Variants in XPR1 observed in about 807,000 individuals in gnomAD.
XPR1 encodes the protein solute carrier family 53 member 1.
XPR1 carries 28 observed loss-of-function variants against 87.5 expected under a neutral mutation model. The ratio of observed to expected loss-of-function variants is 0.32; its 90% CI spans 0.24 to 0.44. The LOEUF is 0.44. Among genes scored for constraint, XPR1 ranks in the 20% least tolerant of loss-of-function variants. The pLI is 1.00. For missense variants in XPR1, 559 were observed against 862.3 expected (o/e 0.65, Z 4.41); for synonymous variants, 300 against 306.1 (o/e 0.98, Z 0.21).
At chr1:180,730,359 C>T (rs2102009721) in intron 2 of XPR1, among the ~76,000 whole-genome samples, 1 of 152,148 alleles carries the variant, frequency 6.6e-6, no homozygotes, top group South Asian at 2.1e-4. Context: ...TTTCATTTTC[C>T]AAAAGAAGGA....
intron 7 of XPR1, among the ~76,000 whole-genome samples, chr1:180,819,130 T>C (rs1449107743): frequency 1.3e-5 from 2 of 151,930 alleles, no homozygotes; most frequent in Non-Finnish European, 2.9e-5. Context: ...TTTTTTAACT[T>C]TTTTGTAGAG....
At chr1:180,774,609 G>A (rs1463981486) in intron 2 of XPR1, among the ~76,000 whole-genome samples, 3 of 151,632 alleles carry the variant, frequency 2.0e-5, no homozygotes, top group Non-Finnish European at 2.9e-5. Flanking sequence ...GGGTTTCACC[G>A]TGTTAGCCAG....
At chr1:180,703,271 C>T (rs532945674) in intron 2 of XPR1, among the ~76,000 whole-genome samples, 3 of 152,052 alleles carry the variant, frequency 2.0e-5, no homozygotes, top group Non-Finnish European at 2.9e-5. Context: ...ATTCCCAGGT[C>T]ACTAGTTGGC....
At chr1:180,740,573 C>T (rs545985355) in intron 2 of XPR1, among the ~76,000 whole-genome samples, 6 of 152,168 alleles carry the variant, frequency 3.9e-5, no homozygotes, top group African/African-American at 1.4e-4. Flanking sequence ...AATATTTTCT[C>T]AATGATTTTT....
intron 7 of XPR1, among the ~76,000 whole-genome samples, chr1:180,815,958 A>C (rs1040422064): frequency 6.6e-6 from 1 of 152,214 alleles, no homozygotes; most frequent in African/African-American, 2.4e-5. Flanking sequence ...GTATGCTAGG[A>C]GGATAGTCAT....
intron 2 of XPR1, chr1:180,758,797 C>T (rs1368817018): frequency 2.7e-5 from 4 of 146,252 alleles, no homozygotes; most frequent in South Asian, 2.2e-4. Flanking sequence ...CACGCAAATT[C>T]GTGAAGCGTT....
At chr1:180,807,895 T>A (rs1191331457) in intron 6 of XPR1, among the ~76,000 whole-genome samples, 1 of 152,060 alleles carries the variant, frequency 6.6e-6, no homozygotes, top group Non-Finnish European at 1.5e-5. Flanking sequence ...TCCCAGCTAC[T>A]TGAGAGGCTG....
intron 11 of XPR1, among the ~76,000 whole-genome samples, chr1:180,861,411 A>C (rs1558042561): frequency 1.3e-5 from 2 of 152,060 alleles, no homozygotes; most frequent in African/African-American, 4.8e-5. Flanking sequence ...TGTAGCCATG[A>C]TGTGAATTAT....
rs74133646 is a variant in XPR1 at position 180,885,527 on chromosome 1, A to T, written c.*1461A>T. Reference sequence around the variant, plus strand: ...CAAATAAGCCTGAAAACCATAAGAGATATTACTTTATTGAATATGGTTGGC... The same window carrying T: ...CAAATAAGCCTGAAAACCATAAGAGTTATTACTTTATTGAATATGGTTGGC... On this transcript the variant is annotated 3_prime_UTR_variant, in exon 15 of 15. Coordinates refer to ENST00000367590, the MANE Select transcript of XPR1 (RefSeq NM_004736.4). 1 of 152,142 alleles carries T rather than the reference A, an allele frequency of 6.6e-6. No individual in the cohort carries two copies. Among genetic ancestry groups the T allele is most frequent in the Non-Finnish European group, 1.5e-5 (1 of 68,036 alleles). 9.4% of individuals were successfully genotyped at this position (152,142 alleles called of 1,614,324 possible).
At chr1:180,692,494 G>A (rs1038687400) in intron 2 of XPR1, among the ~76,000 whole-genome samples, 3 of 152,078 alleles carry the variant, frequency 2.0e-5, no homozygotes, top group East Asian at 3.8e-4. Flanking sequence ...GTCATGTAAT[G>A]GAGTTATTTC....
At chr1:180,839,728 C>T (rs539118589) in intron 11 of XPR1, among the ~76,000 whole-genome samples, 50 of 152,100 alleles carry the variant, frequency 3.3e-4, no homozygotes, top group Admixed American at 1.7e-3. Context: ...TGGAGGGGGG[C>T]TTATATACCA....
At chr1:180,686,057 T>C (rs956489853) in intron 2 of XPR1, among the ~76,000 whole-genome samples, 1 of 152,254 alleles carries the variant, frequency 6.6e-6, no homozygotes, top group African/African-American at 2.4e-5. Context: ...CTTGCTTTTC[T>C]AGTTCTTTTA....
At chr1:180,835,097 T>C in intron 10 of XPR1, 52 bp downstream of exon 10, 2 of 1,557,840 alleles carry the variant, frequency 1.3e-6, no homozygotes, top group Non-Finnish European at 1.7e-6. Flanking sequence ...TAAACCAAGA[T>C]ATATTGGGAA....
intron 2 of XPR1, among the ~76,000 whole-genome samples, chr1:180,695,789 T>C (rs1388491333): frequency 1.3e-5 from 2 of 152,156 alleles, no homozygotes; most frequent in African/African-American, 4.8e-5. Context: ...CAATGGCCTG[T>C]GTGTATGTAG....
At chr1:180,722,777 T>G (rs1175897338) in intron 2 of XPR1, among the ~76,000 whole-genome samples, 1 of 152,186 alleles carries the variant, frequency 6.6e-6, no homozygotes, top group Non-Finnish European at 1.5e-5. Flanking sequence ...GATGTTTCCA[T>G]TTTGGGGACT....
intron 2 of XPR1, among the ~76,000 whole-genome samples, chr1:180,781,716 C>T (rs541408302): frequency 4.6e-5 from 7 of 151,336 alleles, no homozygotes; most frequent in Admixed American, 2.6e-4. Context: ...ATGTGTACAA[C>T]GTGCAGACTT....
chr1:180,702,055 C>A (rs1437067492), intron 2 of XPR1, among the ~76,000 whole-genome samples: 1 of 83,384 alleles, frequency 1.2e-5, no homozygotes, highest in Non-Finnish European at 2.2e-5. Flanking sequence ...ATCTTTCCTG[C>A]TTTCTCTTGT....
rs754173253 is a variant in XPR1 at position 180,886,455 on chromosome 1, A to G, written c.*2389A>G. 2 of 152,244 alleles carry G rather than the reference A, an allele frequency of 1.3e-5. No homozygotes were observed. Among genetic ancestry groups the G allele is most frequent in the Non-Finnish European group, 2.9e-5 (2 of 68,032 alleles). The allele number at this position is 152,244 out of a possible 1,614,324, so 9.4% of individuals were successfully genotyped here. On this transcript the variant is annotated 3_prime_UTR_variant, in exon 15 of 15. Coordinates refer to ENST00000367590, the MANE Select transcript of XPR1 (RefSeq NM_004736.4). ...TGTTTGAATTCCCCAGTGTTTTTACATTAATGTATCCTATGGCCAGTTTAG... is the reference window on the plus strand; with the variant it reads ...TGTTTGAATTCCCCAGTGTTTTTACGTTAATGTATCCTATGGCCAGTTTAG...
At chr1:180,823,093 T>G (rs960190068) in intron 7 of XPR1, among the ~76,000 whole-genome samples, 1 of 151,852 alleles carries the variant, frequency 6.6e-6, no homozygotes, top group Admixed American at 6.6e-5. Context: ...TACAAAAAAT[T>G]AGCTGGGTGT....
Sources: gnomAD v4.1 joint callset for allele counts (sites outside exome capture counted in the v4.1 genomes callset) on GRCh38, gnomAD v4.1.1 for gene constraint, MANE v1.5 for transcripts, NCBI Gene and HGNC (gene_info 2026-07-23, HGNC 2026-07-21) for gene names.